The following NIBAN3 variants were observed in gnomAD, a reference collection of about 807,000 sequenced individuals.
The protein encoded by NIBAN3 is protein Niban 3.
NIBAN3 carries 66 observed loss-of-function variants against 76.4 expected under a neutral mutation model. That is an observed-to-expected ratio of 0.86 (90% CI 0.71 to 1.06). The LOEUF (loss-of-function observed/expected upper bound fraction) is 1.06. Among genes scored for constraint, NIBAN3 ranks in the 50% least tolerant of loss-of-function variants. The pLI is 0.00. For synonymous variants in NIBAN3, 360 were observed against 355.2 expected, an observed-to-expected ratio of 1.01 and a Z score of -0.15; for missense variants, 808 against 810.7, an observed-to-expected ratio of 1.00 and a Z score of 0.04.
In NIBAN3 at chr19:17,540,508, C is replaced by T; in HGVS notation, c.1096C>T (p.Leu366Phe). 5 of 1,597,474 alleles carry T rather than the reference C, an allele frequency of 3.1e-6. No individual in the cohort carries two copies. Among genetic ancestry groups the T allele is most frequent in the Non-Finnish European group, 4.3e-6 (5 of 1,172,394 alleles). The change falls in exon 9 of 15, where the codon CTC (leucine) becomes TTC (phenylalanine). Residue 366 changes from leucine (L) to phenylalanine (F), a missense_variant. Physicochemically the swap from Leu to Phe is conservative, Grantham distance 22. Coordinates refer to ENST00000599164, the MANE Select transcript of NIBAN3 (RefSeq NM_001321827.2). ...AGCCTCGCTCGAGGCGGTGCGGACC[C>T]TCCTGGCTCAAGGCATGGACCGACT... is the stretch of plus-strand genomic sequence containing the variant. Reference protein sequence around the residue: ...VEASLEAVRTLLAQGMDRLSH... With the variant: ...VEASLEAVRTFLAQGMDRLSH...
intron 3 of NIBAN3, among the ~76,000 whole-genome samples, chr19:17,532,592 C>T (rs1847754846): frequency 6.6e-6 from 1 of 152,138 alleles, no homozygotes; most frequent in African/African-American, 2.4e-5. Flanking sequence ...AACTGAGGCC[C>T]AGGCCAGGGA....
chr19:17,551,129 C>G (rs1411904976), intron 14 of NIBAN3, among the ~76,000 whole-genome samples: 1 of 151,932 alleles, frequency 6.6e-6, no homozygotes, highest in Non-Finnish European at 1.5e-5. Context: ...TGGAGTGTCG[C>G]TCTGTCACCA....
At chr19:17,537,088 A>T (rs2075837884) in intron 4 of NIBAN3, among the ~76,000 whole-genome samples, 1 of 152,082 alleles carries the variant, frequency 6.6e-6, no homozygotes, top group African/African-American at 2.4e-5. Flanking sequence ...GCTTGAATGG[A>T]TTGGTGGTGG....
chr19:17,543,307 C>T lies in NIBAN3; in HGVS notation c.1330-10C>T. 1 of 1,531,886 alleles carries T rather than the reference C, an allele frequency of 6.5e-7. No individual in the cohort carries two copies. Among genetic ancestry groups the T allele is most frequent in the South Asian group, 1.3e-5 (1 of 78,978 alleles). The allele number at this position is 1,531,886 out of a possible 1,614,324, so 94.9% of individuals were successfully genotyped here. ...AGATTCTGGGGTCATCATAGCATCT[C>T]CTCCCACAGCTCATGGCTGACGCCG... On this transcript the variant is annotated splice_polypyrimidine_tract_variant and intron_variant, in intron 10 of 14. Transcript: ENST00000599164.
chr19:17,533,433 G>C, intron 3 of NIBAN3, 154 bp from the exon 4 acceptor site: 1 of 536,222 alleles, frequency 1.9e-6, no homozygotes, highest in Non-Finnish European at 3.3e-6. Context: ...AAAAAAAAGA[G>C]AGAGGGAGGA....
At chr19:17,550,288 TA>T (rs1287655404) in intron 14 of NIBAN3, among the ~76,000 whole-genome samples, 1 of 152,152 alleles carries the variant, frequency 6.6e-6, no homozygotes, top group African/African-American at 2.4e-5. Flanking sequence ...CAGCAATAGC[TA>T]ACTAATACAC....
chr19:17,551,532 C>G (rs566090979), intron 14 of NIBAN3, among the ~76,000 whole-genome samples: 1 of 151,942 alleles, frequency 6.6e-6, no homozygotes. Flanking sequence ...CTCAGCCTCC[C>G]GAGTAGCTGG....
At chr19:17,531,388 A>T (rs1745700436) in intron 2 of NIBAN3, among the ~76,000 whole-genome samples, 6 of 151,152 alleles carry the variant, frequency 4.0e-5, no homozygotes, top group Admixed American at 4.0e-4. Flanking sequence ...TTCACTGAGC[A>T]TGTAATTCAT....
Position 17,539,761 on chromosome 19 carries a change from G to C in NIBAN3, c.975G>C (p.Leu325=). Residue 325 remains leucine (L), a synonymous_variant, in exon 8 of 15, where the codon CTG becomes CTC. Coordinates refer to ENST00000599164, the MANE Select transcript of NIBAN3 (RefSeq NM_001321827.2). ...LRQRARVAGR[L]RTDIRGPLES... is the part of the protein sequence containing the mutation. The stretch of plus-strand genomic sequence containing the variant: ...AGCGGGCGCGTGTGGCGGGGCGGCT[G>C]AGGAGTGAGGCCCTGGGGCGGAGCC... 1 of 1,530,796 alleles carries C rather than the reference G, an allele frequency of 6.5e-7. No homozygotes were observed. Among genetic ancestry groups the C allele is most frequent in the South Asian group, 1.2e-5 (1 of 83,428 alleles). 94.8% of individuals were successfully genotyped at this position (1,530,796 alleles called of 1,614,324 possible).
intron 12 of NIBAN3, 47 bp downstream of exon 12, chr19:17,543,678 C>A (rs1265416808): frequency 7.4e-6 from 11 of 1,493,172 alleles, no homozygotes; most frequent in Non-Finnish European, 1.0e-5. Flanking sequence ...CATCACCATG[C>A]ATCCACTTAA....
chr19:17,553,496 T>A lies in NIBAN3; in HGVS notation c.*1598T>A. 1.2e-6 allele frequency: 2 copies of A among 1,614,222 alleles called. No individual in the cohort carries two copies. Among genetic ancestry groups the A allele is most frequent in the Non-Finnish European group, 1.7e-6 (2 of 1,180,042 alleles). ...TTCTTGGTTCAGCTTGCAGAGGGAC[T>A]TTCACACTCCCTGGAGACCGTTTCC... is the stretch of plus-strand genomic sequence containing the variant. On this transcript the variant is annotated 3_prime_UTR_variant, in exon 15 of 15. Transcript: ENST00000599164.
chr19:17,549,824 C>CTT, intron 14 of NIBAN3: 1 of 20,506 alleles, frequency 4.9e-5, no homozygotes, highest in Non-Finnish European at 1.5e-4. Flanking sequence ...CTCTCTCTCT[C>CTT]TCTTTTTTTT....
chr19:17,529,771 G>A (rs905650425), intron 1 of NIBAN3, among the ~76,000 whole-genome samples: 4 of 152,180 alleles, frequency 2.6e-5, no homozygotes, highest in Non-Finnish European at 5.9e-5. Context: ...TACATGATAC[G>A]TGAGCTATAA....
chr19:17,542,399 G>C lies in NIBAN3; in HGVS notation c.1329+105G>C. 8.0e-7 allele frequency: 1 copy of C among 1,253,978 alleles called. No homozygotes were observed. The highest frequency in any genetic ancestry group is 1.1e-6 in the Non-Finnish European group (1 of 912,798). The allele number at this position is 1,253,978 out of a possible 1,614,324, so 77.7% of individuals were successfully genotyped here. ...AGACCACGATGATCGAGACAACTCC[G>C]CGGGGCTGCCAGTCTCATGGGGACA... On this transcript the variant is annotated intron_variant, in intron 10 of 14. Coordinates refer to ENST00000599164, the MANE Select transcript of NIBAN3 (RefSeq NM_001321827.2). The surrounding 1 kb of genome is among the most constrained non-coding windows in gnomAD (Gnocchi z 4.8).
At chr19:17,546,943 G>A in intron 13 of NIBAN3, 146 bp downstream of exon 13, 1 of 1,019,558 alleles carries the variant, frequency 9.8e-7, no homozygotes, top group Non-Finnish European at 1.4e-6. Context: ...GAGGTCCAGG[G>A]TAGAGGAGCT....
intron 1 of NIBAN3, among the ~76,000 whole-genome samples, 199 bp downstream of exon 1, chr19:17,527,594 T>TGGA (rs1006480605): frequency 3.3e-5 from 5 of 152,296 alleles, no homozygotes; most frequent in African/African-American, 1.2e-4. Context: ...TTGCCCAAGC[T>TGGA]GGAGTGCCGT....
Position 17,546,682 on chromosome 19 carries a change from C to G in NIBAN3, c.1555-4C>G, listed in dbSNP as rs1254392335. 6 of 1,557,966 alleles carry G rather than the reference C, an allele frequency of 3.9e-6. No homozygotes were observed. Among genetic ancestry groups the G allele is most frequent in the Admixed American group, 3.9e-5 (2 of 51,816 alleles). On this transcript the variant is annotated splice_polypyrimidine_tract_variant and splice_region_variant and intron_variant, in intron 12 of 14. Transcript: ENST00000599164. Reference sequence around the variant, plus strand: ...TCCGAGCCCCTAACCCGCCATGGTTCCAGGAGCTGCCTGAGTTCGAGGGGG... The same window carrying G: ...TCCGAGCCCCTAACCCGCCATGGTTGCAGGAGCTGCCTGAGTTCGAGGGGG...
rs1291347581 is a variant in NIBAN3 at position 17,552,447 on chromosome 19, G to C, written c.*549G>C. ...TGCCCAGGCTGATCTCAAACTCCTG[G>C]ACTCAAGCAATCCTCCTGCCTTGGC... On this transcript the variant is annotated 3_prime_UTR_variant, in exon 15 of 15. Transcript: ENST00000599164. The C allele has an allele frequency of 6.6e-6, 1 of 151,850 alleles. No individual in the cohort carries two copies. The highest frequency in any genetic ancestry group is 6.6e-5 in the Admixed American group (1 of 15,152). 9.4% of individuals were successfully genotyped at this position (151,850 alleles called of 1,614,324 possible).
At chr19:17,549,097 A>G (rs1473134502) in intron 13 of NIBAN3, among the ~76,000 whole-genome samples, 1 of 152,180 alleles carries the variant, frequency 6.6e-6, no homozygotes, top group Admixed American at 6.5e-5. Flanking sequence ...AAATAGGAAT[A>G]AAAGCTATTT....
Sources: gnomAD v4.1 joint callset for allele counts (sites outside exome capture counted in the v4.1 genomes callset) on GRCh38, gnomAD v4.1.1 for gene constraint, Gnocchi (gnomAD v3.1) non-coding constraint, MANE v1.5 for transcripts, NCBI Gene and HGNC (gene_info 2026-07-23, HGNC 2026-07-21) for gene names.